The following ERBB4 variants were observed in gnomAD, a reference collection of about 807,000 sequenced individuals.
ERBB4 encodes the protein receptor tyrosine-protein kinase erbB-4.
In ERBB4, 42 loss-of-function variants were observed where a neutral mutation model predicts 158.0. The observed-to-expected ratio is 0.27, with a 90% CI of 0.21 to 0.34. ERBB4 has a LOEUF of 0.34. Ranked by LOEUF, ERBB4 falls within the 10% of genes least tolerant of loss-of-function variation. The probability of loss-of-function intolerance (pLI) is 1.00; values close to 1 mark genes in which losing one functional copy is unlikely to be tolerated. For missense variants in ERBB4, 1,333 were observed against 1,624.1 expected (o/e 0.82, Z 3.08); for synonymous variants, 583 against 558.7 (o/e 1.04, Z -0.61).
intron 25 of ERBB4, among the ~76,000 whole-genome samples, chr2:211,413,708 CAT>C (rs2063319016): frequency 6.6e-6 from 1 of 151,914 alleles, no homozygotes; most frequent in South Asian, 2.1e-4. Context: ...AAAAGTTATG[CAT>C]AGAGGCGATG....
intron 4 of ERBB4, among the ~76,000 whole-genome samples, chr2:211,764,797 G>C (rs577911885): frequency 6.6e-6 from 1 of 152,288 alleles, no homozygotes; most frequent in Non-Finnish European, 1.5e-5. Flanking sequence ...GACAAATTTT[G>C]TGTCACAACA....
At chr2:212,293,755 G>A (rs1490330491) in intron 1 of ERBB4, among the ~76,000 whole-genome samples, 2 of 150,914 alleles carry the variant, frequency 1.3e-5, no homozygotes, top group East Asian at 2.0e-4. Context: ...GGCTGAGGCA[G>A]GGGAATTGCT....
intron 25 of ERBB4, among the ~76,000 whole-genome samples, chr2:211,402,523 A>G (rs1453226783): frequency 6.6e-6 from 1 of 152,030 alleles, no homozygotes; most frequent in African/African-American, 2.4e-5. Flanking sequence ...ATGAAGGCAT[A>G]TTGAAGGTAA....
chr2:211,706,073 T>C, intron 9 of ERBB4, among the ~76,000 whole-genome samples: 1 of 152,012 alleles, frequency 6.6e-6, no homozygotes, highest in South Asian at 2.1e-4. Context: ...AAATCCACAG[T>C]AAGTTTTAAA....
intron 1 of ERBB4, among the ~76,000 whole-genome samples, chr2:212,393,236 A>T (rs75714627): frequency 2.3e-4 from 35 of 152,122 alleles, no homozygotes; most frequent in African/African-American, 8.4e-4. Flanking sequence ...TAAAAGTTCC[A>T]ATCTTTAAAC....
chr2:212,003,216 G>GAAAGAAAGAAAGGAAGAAAGACAGAAA (rs1491317567), intron 2 of ERBB4, among the ~76,000 whole-genome samples: 4 of 34,506 alleles, frequency 1.2e-4, no homozygotes, highest in South Asian at 1.7e-3. Flanking sequence ...ACAGAAAGAA[G>GAAAGAAAGAAAGGAAGAAAGACAGAAA]GAAGGAAGGA....
At chr2:212,472,431 T>G (rs1230736217) in intron 1 of ERBB4, among the ~76,000 whole-genome samples, 4 of 151,842 alleles carry the variant, frequency 2.6e-5, no homozygotes, top group Non-Finnish European at 5.9e-5. Flanking sequence ...CTCTTAAGCC[T>G]TTCTTTTCTT....
In ERBB4 at chr2:212,273,624, C is replaced by T. The variant is rs368885887; in HGVS notation, c.83-148721G>A. ...CATCATAAAGTAACATTCATCCCCA[C>T]ACAAAAAAGTAATCACTAATAACAT... is the stretch of plus-strand genomic sequence containing the variant. On this transcript the variant is annotated intron_variant, in intron 1 of 27. Transcript: ENST00000342788. Among the ~76,000 whole-genome samples, 9 of 151,780 alleles carry T rather than the reference C, an allele frequency of 5.9e-5. No homozygotes were observed. In the East Asian group the frequency reaches 1.2e-3, roughly 20 times the overall value.
chr2:212,381,844 GAACT>G (rs1269781443), intron 1 of ERBB4, among the ~76,000 whole-genome samples: 4 of 151,168 alleles, frequency 2.6e-5, no homozygotes, highest in African/African-American at 9.7e-5. Flanking sequence ...CAACTACCCA[GAACT>G]AACCTACATT....
chr2:211,558,854 T>C (rs1046051625), intron 20 of ERBB4, among the ~76,000 whole-genome samples: 1 of 152,200 alleles, frequency 6.6e-6, no homozygotes, highest in African/African-American at 2.4e-5. Context: ...ATTTATTGAA[T>C]GGCTAACTAC....
At chr2:212,415,599 A>G (rs1047307834) in intron 1 of ERBB4, among the ~76,000 whole-genome samples, 2 of 152,214 alleles carry the variant, frequency 1.3e-5, no homozygotes, top group East Asian at 1.9e-4. Flanking sequence ...TTTCCAAATT[A>G]CTTGAAGACT....
rs534528685 is a variant in ERBB4, at chr2:211,684,959, T to C, written c.1490-5775A>G. 1.5e-3 allele frequency among the ~76,000 whole-genome samples: 222 copies of C among 152,324 alleles called. 1 individual carries two copies. Among genetic ancestry groups the C allele is most frequent in the African/African-American group, 4.9e-3 (205 of 41,576 alleles). ...GGTTGCCCTGCAATCATTAAACTGT[T>C]TCTCTGCTGCAAACCCTGCTGTCTC... On this transcript the variant is annotated intron_variant, in intron 12 of 27. Coordinates refer to ENST00000342788, the MANE Select transcript of ERBB4 (RefSeq NM_005235.3).
intron 2 of ERBB4, among the ~76,000 whole-genome samples, chr2:212,085,675 T>G (rs2078583413): frequency 6.6e-6 from 1 of 151,894 alleles, no homozygotes; most frequent in South Asian, 2.1e-4. Flanking sequence ...GTTGAGACTC[T>G]TTTTTAGGAA....
intron 1 of ERBB4, among the ~76,000 whole-genome samples, chr2:212,151,018 GT>G (rs1299749109): frequency 6.6e-6 from 1 of 151,872 alleles, no homozygotes; most frequent in East Asian, 1.9e-4. Context: ...CTTGCAAAAG[GT>G]TACTGCAATC....
At chr2:212,140,678 T>G (rs2080432051) in intron 1 of ERBB4, among the ~76,000 whole-genome samples, 1 of 151,324 alleles carries the variant, frequency 6.6e-6, no homozygotes, top group Non-Finnish European at 1.5e-5. Flanking sequence ...TGTGAATTTA[T>G]TTTTGATGTA....
intron 1 of ERBB4, among the ~76,000 whole-genome samples, chr2:212,298,150 A>G (rs6743354): frequency 0.74 from 112,399 of 151,600 alleles, 45,848 homozygotes; most frequent in Non-Finnish European, 0.9. Context: ...GAACTTAAAA[A>G]ACAATTGGAC....
intron 1 of ERBB4, among the ~76,000 whole-genome samples, chr2:212,499,450 T>C (rs1251520986): frequency 6.6e-6 from 1 of 152,108 alleles, no homozygotes; most frequent in Non-Finnish European, 1.5e-5. Flanking sequence ...TATTTTTTAA[T>C]GTAGAGGAAT....
chr2:211,381,991 C>T lies in ERBB4; in HGVS notation c.*1624G>A, dbSNP rs922628267. ...CATCAGGTATTCTTTCAAAATGATA[C>T]ATAATAATGATGGTTCTAGTACTGG... On this transcript the variant is annotated 3_prime_UTR_variant, in exon 28 of 28. Coordinates refer to ENST00000342788, the MANE Select transcript of ERBB4 (RefSeq NM_005235.3). 2 of 228,924 alleles carry T rather than the reference C, an allele frequency of 8.7e-6. No homozygotes were observed. The allele number at this position is 228,924 out of a possible 1,614,324, so 14.2% of individuals were successfully genotyped here.
chr2:212,443,826 T>C (rs1354110482), intron 1 of ERBB4, among the ~76,000 whole-genome samples: 1 of 152,198 alleles, frequency 6.6e-6, no homozygotes, highest in Non-Finnish European at 1.5e-5. Context: ...GTTCTGCAGA[T>C]AAGTATTCTC....
Sources: gnomAD v4.1 joint callset for allele counts (sites outside exome capture counted in the v4.1 genomes callset) on GRCh38, gnomAD v4.1.1 for gene constraint, MANE v1.5 for transcripts, NCBI Gene and HGNC (gene_info 2026-07-23, HGNC 2026-07-21) for gene names.